Variants in SEC24B observed in about 807,000 individuals in gnomAD.
SEC24B encodes SEC24 homolog B, COPII component.
Under a neutral mutation model 142.8 loss-of-function variants are expected in SEC24B, and 45 were observed. That is an observed-to-expected ratio of 0.32 (90% CI 0.25 to 0.40). The LOEUF (loss-of-function observed/expected upper bound fraction) is 0.40. Among genes scored for constraint, SEC24B ranks in the 10% least tolerant of loss-of-function variants. The pLI is 1.00. For synonymous variants in SEC24B, 574 were observed against 568.2 expected (o/e 1.01, Z -0.15); for missense variants, 1,409 against 1,526.8 (o/e 0.92, Z 1.29).
At chr4:109,462,846 A>C in intron 1 of SEC24B, 55 bp from the exon 2 acceptor site, 1 of 1,339,464 alleles carries the variant, frequency 7.5e-7, no homozygotes, top group Non-Finnish European at 1.0e-6. Context: ...AATGGGGGCT[A>C]TTTTTAAAAA....
intron 1 of SEC24B, among the ~76,000 whole-genome samples, chr4:109,459,806 G>A (rs1462999475): frequency 1.3e-5 from 2 of 152,136 alleles, no homozygotes; most frequent in East Asian, 3.8e-4. Flanking sequence ...GTCACTAAGT[G>A]GGTAGATATT....
At chr4:109,446,112 A>G (rs932928783) in intron 1 of SEC24B, among the ~76,000 whole-genome samples, 2 of 152,204 alleles carry the variant, frequency 1.3e-5, no homozygotes, top group Admixed American at 6.5e-5. Context: ...GGTAGGCTGA[A>G]TAATGGGTTC....
At chr4:109,454,254 T>G (rs564756084) in intron 1 of SEC24B, among the ~76,000 whole-genome samples, 54 of 152,162 alleles carry the variant, frequency 3.5e-4, no homozygotes, top group African/African-American at 1.3e-3. Flanking sequence ...AAATGAAACC[T>G]CAGGCTGGGT....
rs1170923335 is a variant in SEC24B at position 109,433,977 on chromosome 4, G to A, written c.108G>A (p.Ala36=). The A allele has an allele frequency of 8.3e-7, 1 of 1,211,390 alleles. No homozygotes were observed. The highest frequency in any genetic ancestry group is 3.5e-5 in the East Asian group (1 of 28,192). 75.0% of individuals were successfully genotyped at this position (1,211,390 alleles called of 1,614,324 possible). A position where few individuals can be genotyped will look rare whatever the true frequency, so the allele number is the denominator to read the frequency against. ...CCGCAGCGCCCGCGGGCCCGGGTGC[G>A]GGCCCGGCGCCGCACCAGCAGAACG... ...SGAAAPAGPG[A]GPAPHQQNGP... The change falls in exon 1 of 24, where the codon GCG becomes GCA. Residue 36 remains alanine, a synonymous_variant. Coordinates refer to ENST00000265175, the MANE Select transcript of SEC24B (RefSeq NM_006323.5).
At chr4:109,531,583 C>A in intron 20 of SEC24B, 61 bp downstream of exon 20, 1 of 1,279,734 alleles carries the variant, frequency 7.8e-7, no homozygotes, top group Non-Finnish European at 1.1e-6. Context: ...TCTTGTTCTA[C>A]AGCTAAGATG....
At chr4:109,435,355 TTCTTG>T (rs1728307734) in intron 1 of SEC24B, among the ~76,000 whole-genome samples, 1 of 152,250 alleles carries the variant, frequency 6.6e-6, no homozygotes, top group Non-Finnish European at 1.5e-5. Context: ...GCAGTGTTTG[TTCTTG>T]TAACCTTAAT....
Position 109,512,089 on chromosome 4 carries a change from T to G in SEC24B, c.1903+6T>G. ...GTGCTATAGAGTAAACGATGGTGAGTTTTAGATTCTTAATTGTGTTTTAAT... is the reference window on the plus strand; with the variant it reads ...GTGCTATAGAGTAAACGATGGTGAGGTTTAGATTCTTAATTGTGTTTTAAT... On this transcript the variant is annotated splice_donor_region_variant and intron_variant, in intron 9 of 23. Transcript: ENST00000265175. 1 of 1,595,290 alleles carries G rather than the reference T, an allele frequency of 6.3e-7. No individual in the cohort carries two copies. Among genetic ancestry groups the G allele is most frequent in the Non-Finnish European group, 8.5e-7 (1 of 1,174,662 alleles).
rs1391945564 is a variant in SEC24B, at chr4:109,463,267, C to T, written c.500C>T (p.Ala167Val). The change falls in exon 2 of 24, where the codon GCC (alanine) becomes GTC (valine). Residue 167 changes from alanine (A) to valine (V), a missense_variant. Physicochemically the swap from Ala to Val is moderately conservative, Grantham distance 64 (BLOSUM62 0). Transcript: ENST00000265175. ...NHYNSPAMYS[A>V]SSSVASQGFP... ...TACAATAGTCCAGCCATGTACTCTG[C>T]CAGCTCTTCTGTTGCGTCTCAGGGA... The T allele has an allele frequency of 4.3e-6, 7 of 1,614,186 alleles. No individual in the cohort carries two copies. The highest frequency in any genetic ancestry group is 3.3e-5 in the South Asian group (3 of 91,088).
chr4:109,465,881 T>A (rs1314477038), intron 2 of SEC24B, among the ~76,000 whole-genome samples: 1 of 152,212 alleles, frequency 6.6e-6, no homozygotes, highest in Non-Finnish European at 1.5e-5. Flanking sequence ...ATTCTTTTAA[T>A]CTTAGTACTG....
At chr4:109,530,247 A>G in intron 18 of SEC24B, 42 bp from the exon 19 acceptor site, 1 of 1,552,320 alleles carries the variant, frequency 6.4e-7, no homozygotes, top group East Asian at 2.3e-5. Context: ...TGCCCATTGG[A>G]TTCTAATGGT....
intron 1 of SEC24B, among the ~76,000 whole-genome samples, chr4:109,440,420 A>G (rs775512434): frequency 1.3e-5 from 2 of 152,170 alleles, no homozygotes; most frequent in Non-Finnish European, 2.9e-5. Flanking sequence ...AGGCATCTTC[A>G]TTGTCAGCAT....
intron 8 of SEC24B, 35 bp from the exon 9 acceptor site, chr4:109,511,922 T>G: frequency 1.3e-6 from 2 of 1,598,078 alleles, no homozygotes; most frequent in Non-Finnish European, 1.7e-6. Context: ...TTGGGGTGCC[T>G]TTTTCTGCTA....
intron 18 of SEC24B, 33 bp from the exon 19 acceptor site, chr4:109,530,256 G>T: frequency 6.3e-7 from 1 of 1,592,634 alleles, no homozygotes; most frequent in East Asian, 2.2e-5. Flanking sequence ...GATTCTAATG[G>T]TTAAAATACC....
At chr4:109,526,792 C>T (rs1379096712) in intron 17 of SEC24B, among the ~76,000 whole-genome samples, 1 of 152,102 alleles carries the variant, frequency 6.6e-6, no homozygotes, top group African/African-American at 2.4e-5. Context: ...AGTGATATAG[C>T]GTATGTTCAT....
rs1291269836 is a variant in SEC24B, at chr4:109,513,912, A to ATCTTC, written c.2013+57_2013+58insCTTCT. On this transcript the variant is annotated intron_variant, in intron 10 of 23. Coordinates refer to ENST00000265175, the MANE Select transcript of SEC24B (RefSeq NM_006323.5). ...AACACAATTACATTGGTCATTTGTAATTTTCTGTTAAGTGAACTCTTATCG... is the reference window on the plus strand; with the variant it reads ...AACACAATTACATTGGTCATTTGTAATCTTCTTTTCTGTTAAGTGAACTCTTATCG... The ATCTTC allele has an allele frequency of 4.2e-5, 49 of 1,159,298 alleles. 1 individual carries two copies. Among genetic ancestry groups the ATCTTC allele is most frequent in the Middle Eastern group, 3.9e-4 (2 of 5,164 alleles). The allele number at this position is 1,159,298 out of a possible 1,614,324, so 71.8% of individuals were successfully genotyped here. A position where few individuals can be genotyped will look rare whatever the true frequency, so the allele number is the denominator to read the frequency against.
intron 19 of SEC24B, among the ~76,000 whole-genome samples, chr4:109,531,128 A>G (rs1724887372): frequency 2.0e-5 from 3 of 152,164 alleles, no homozygotes; most frequent in African/African-American, 7.2e-5. Flanking sequence ...GTGTCAATGC[A>G]TCATTTTATT....
chr4:109,459,676 C>A lies in SEC24B; in HGVS notation c.134-3225C>A, dbSNP rs193268395. ...TAGACTTATTCTGGTGGGCAACTCA[C>A]TTCTGATAAATTTCAGCAGCTAGGA... On this transcript the variant is annotated intron_variant, in intron 1 of 23. Coordinates refer to ENST00000265175, the MANE Select transcript of SEC24B (RefSeq NM_006323.5). 1.3e-3 allele frequency among the ~76,000 whole-genome samples: 198 copies of A among 152,246 alleles called. 1 individual carries two copies. In the Middle Eastern group the frequency reaches 0.034, roughly 26 times the overall value.
chr4:109,488,821 CGTT>C (rs895679998), intron 4 of SEC24B: 3 of 167,182 alleles, frequency 1.8e-5, no homozygotes, highest in Admixed American at 6.5e-5. Context: ...AATGTTATCT[CGTT>C]GTTTTGATTT....
At chr4:109,461,247 TG>T (rs902132151) in intron 1 of SEC24B, among the ~76,000 whole-genome samples, 1 of 152,206 alleles carries the variant, frequency 6.6e-6, no homozygotes, top group African/African-American at 2.4e-5. Context: ...TAGTCAGTAT[TG>T]GGACAATGAG....
Sources: allele counts gnomAD v4.1 joint callset (sites outside exome capture counted in the v4.1 genomes callset), GRCh38; gene constraint gnomAD v4.1.1; transcripts MANE v1.5; gene names NCBI Gene and HGNC (gene_info 2026-07-23, HGNC 2026-07-21).